The following PICALM variants were observed in gnomAD, a reference collection of about 807,000 sequenced individuals.
PICALM encodes phosphatidylinositol binding clathrin assembly protein.
In PICALM, 40 loss-of-function variants were observed where a neutral mutation model predicts 80.5. That is an observed-to-expected ratio of 0.50 (90% CI 0.39 to 0.65). PICALM has a LOEUF of 0.65. Among genes scored for constraint, PICALM ranks in the 30% least tolerant of loss-of-function variants. The probability of loss-of-function intolerance (pLI) is 0.00; values close to 1 mark genes in which losing one functional copy is unlikely to be tolerated. For missense variants in PICALM, 676 were observed against 778.9 expected (o/e 0.87, Z 1.57); for synonymous variants, 288 against 260.3 (o/e 1.11, Z -1.02).
chr11:86,009,407 T>C (rs929194854), intron 7 of PICALM, among the ~76,000 whole-genome samples: 2 of 151,408 alleles, frequency 1.3e-5, no homozygotes, highest in African/African-American at 4.9e-5. Context: ...CAACTTAAGT[T>C]TGGGCGGGAT....
chr11:86,066,577 C>T (rs570135718), intron 1 of PICALM, among the ~76,000 whole-genome samples: 17 of 152,206 alleles, frequency 1.1e-4, no homozygotes, highest in African/African-American at 4.1e-4. Flanking sequence ...TCTAACCCTA[C>T]CTATTTTCTC....
chr11:86,068,773 C>A lies in PICALM; in HGVS notation c.8G>T (p.Gly3Val). The A allele has an allele frequency of 6.2e-7, 1 of 1,607,314 alleles. No individual in the cohort carries two copies. The highest frequency in any genetic ancestry group is 8.5e-7 in the Non-Finnish European group (1 of 1,178,554). ...AGTGATTCGGTCCGTCAGGCTCTGG[C>A]CGGACATCTCTGCAGCTCCTCCACC... MS[G>V]QSLTDRITAA... is the part of the protein sequence containing the mutation. Residue 3 changes from glycine (G) to valine (V), a missense_variant, in exon 1 of 20, where the codon GGC becomes GTC. Transcript: ENST00000393346.
chr11:85,963,817 C>T (rs1002570307), intron 19 of PICALM, among the ~76,000 whole-genome samples: 4 of 151,568 alleles, frequency 2.6e-5, no homozygotes, highest in East Asian at 1.9e-4. Context: ...AGTGTAGTGG[C>T]GCAGTCACGG....
chr11:85,982,130 G>A (rs1370628324), intron 14 of PICALM, 127 bp from the exon 15 acceptor site: 12 of 757,702 alleles, frequency 1.6e-5, no homozygotes, highest in East Asian at 7.8e-5. Context: ...ATAGACATTA[G>A]TAAATGTCTT....
chr11:86,044,583 C>CAT (rs10687788), intron 1 of PICALM, among the ~76,000 whole-genome samples: 124,470 of 151,968 alleles, frequency 0.82, 51,168 homozygotes, highest in African/African-American at 0.89. Flanking sequence ...ATTTATTACA[C>CAT]GATTAAGTGA....
At chr11:85,966,115 G>A (rs925360621) in intron 19 of PICALM, among the ~76,000 whole-genome samples, 10 of 151,772 alleles carry the variant, frequency 6.6e-5, no homozygotes, top group Non-Finnish European at 1.0e-4. Context: ...CACCGCACCC[G>A]GCCCGCATTA....
chr11:86,026,000 A>G (rs1416178345), intron 3 of PICALM, among the ~76,000 whole-genome samples: 1 of 152,186 alleles, frequency 6.6e-6, no homozygotes, highest in African/African-American at 2.4e-5. Context: ...TAACCTGCCC[A>G]AGTTCATATA....
At chr11:85,978,104 C>T in intron 17 of PICALM, 1 of 1,610,274 alleles carries the variant, frequency 6.2e-7, no homozygotes, top group Non-Finnish European at 8.5e-7. Context: ...CTGTTTTTCC[C>T]AGGGAGAACA....
chr11:85,979,439 G>A (rs1176939151), intron 17 of PICALM, among the ~76,000 whole-genome samples: 1 of 151,320 alleles, frequency 6.6e-6, no homozygotes, highest in Admixed American at 6.6e-5. Context: ...GCAGTGAGCT[G>A]AGGTCGCGCC....
At chr11:86,018,326 C>A (rs574732560) in intron 4 of PICALM, among the ~76,000 whole-genome samples, 3 of 152,050 alleles carry the variant, frequency 2.0e-5, no homozygotes, top group Non-Finnish European at 4.4e-5. Context: ...CACATATGAA[C>A]GCATTTTTCA....
intron 19 of PICALM, among the ~76,000 whole-genome samples, chr11:85,974,028 C>T (rs72951246): frequency 2.9e-4 from 44 of 151,802 alleles, no homozygotes; most frequent in African/African-American, 1.0e-3. Flanking sequence ...TATCTTCTAA[C>T]CGTAACGGGT....
At chr11:86,048,613 C>G (rs938378224) in intron 1 of PICALM, among the ~76,000 whole-genome samples, 1 of 151,660 alleles carries the variant, frequency 6.6e-6, no homozygotes, top group Non-Finnish European at 1.5e-5. Context: ...GCGGGCAGAT[C>G]ACAACATCAG....
intron 1 of PICALM, among the ~76,000 whole-genome samples, chr11:86,043,436 C>G (rs1593275119): frequency 1.3e-5 from 2 of 152,142 alleles, no homozygotes; most frequent in African/African-American, 4.8e-5. Context: ...AATCTAAGGT[C>G]TTCTGGGGGA....
Position 86,026,371 on chromosome 11 carries a change from GA to G in PICALM, c.274-5del, listed in dbSNP as rs753241513. The G allele has an allele frequency of 1.3e-3, 1,937 of 1,496,416 alleles. 9 individuals carry two copies. Among genetic ancestry groups the G allele is most frequent in the African/African-American group, 7.7e-3 (544 of 70,950 alleles). The allele number at this position is 1,496,416 out of a possible 1,614,324, so 92.7% of individuals were successfully genotyped here. A position where few individuals can be genotyped will look rare whatever the true frequency, so the allele number is the denominator to read the frequency against. On this transcript the variant is annotated splice_region_variant and splice_polypyrimidine_tract_variant and intron_variant, in intron 2 of 19. Transcript: ENST00000393346. ...AAGCCAAATACTGAATAAAACGCTG[GA>G]AAAAAAAAATTACATCATATTAAGG... is the stretch of plus-strand genomic sequence containing the variant.
rs138962658 is a variant in PICALM at position 85,983,225 on chromosome 11, T to C, written c.1516+641A>G. Among the ~76,000 whole-genome samples the C allele has an allele frequency of 2.2e-3, 335 of 152,250 alleles. 1 individual carries two copies. Among genetic ancestry groups the C allele is most frequent in the African/African-American group, 7.9e-3 (329 of 41,540 alleles). On this transcript the variant is annotated intron_variant, in intron 14 of 19. Coordinates refer to ENST00000393346, the MANE Select transcript of PICALM (RefSeq NM_007166.4). ...AATTACTAACCAAAATCAAAGGCCATCCGATGGTAAGAACAGAATTATGAG... is the reference window on the plus strand; with the variant it reads ...AATTACTAACCAAAATCAAAGGCCACCCGATGGTAAGAACAGAATTATGAG...
Position 86,007,537 on chromosome 11 carries a change from C to T in PICALM, c.807+5G>A. Reference sequence around the variant, plus strand: ...AGTGGATTGGTATTTTAACAATAAACTTACCTGTGAAAGGTCTGGTATATC... The same window carrying T: ...AGTGGATTGGTATTTTAACAATAAATTTACCTGTGAAAGGTCTGGTATATC... On this transcript the variant is annotated splice_donor_5th_base_variant and intron_variant, in intron 8 of 19. Transcript: ENST00000393346. 1 of 1,495,436 alleles carries T rather than the reference C, an allele frequency of 6.7e-7. No homozygotes were observed. The highest frequency in any genetic ancestry group is 9.3e-7 in the Non-Finnish European group (1 of 1,077,478). 92.6% of individuals were successfully genotyped at this position (1,495,436 alleles called of 1,614,324 possible).
intron 5 of PICALM, 54 bp from the exon 6 acceptor site, chr11:86,012,446 G>T: frequency 1.0e-6 from 1 of 955,896 alleles, no homozygotes; most frequent in Non-Finnish European, 1.7e-6. Flanking sequence ...AAATGACATT[G>T]ACAAAAAGAT....
chr11:85,979,131 A>G (rs1055578502), intron 17 of PICALM, among the ~76,000 whole-genome samples: 2 of 152,188 alleles, frequency 1.3e-5, no homozygotes, highest in African/African-American at 2.4e-5. Context: ...AGCAACATTT[A>G]CATGTTTAAG....
intron 1 of PICALM, among the ~76,000 whole-genome samples, chr11:86,057,602 T>TGC (rs1255080124): frequency 1.3e-5 from 2 of 151,854 alleles, no homozygotes; most frequent in Non-Finnish European, 2.9e-5. Context: ...TGTGTGTGTG[T>TGC]ATGTACACAC....
Sources: gnomAD v4.1 joint callset for allele counts (sites outside exome capture counted in the v4.1 genomes callset) on GRCh38, gnomAD v4.1.1 for gene constraint, MANE v1.5 for transcripts, NCBI Gene and HGNC (gene_info 2026-07-23, HGNC 2026-07-21) for gene names.